Variants in ITCH observed in about 807,000 individuals in gnomAD.
The protein encoded by ITCH is E3 ubiquitin-protein ligase Itchy homolog.
A neutral mutation model predicts 126.8 loss-of-function variants in ITCH; 28 were observed. The ratio of observed to expected loss-of-function variants is 0.22; its 90% CI spans 0.16 to 0.30. The LOEUF (loss-of-function observed/expected upper bound fraction) is 0.30. Ranked by LOEUF, ITCH falls within the 10% of genes least tolerant of loss-of-function variation. ITCH has a pLI of 1.00. For synonymous variants in ITCH, 342 were observed against 340.0 expected, an observed-to-expected ratio of 1.01 and a Z score of -0.06; for missense variants, 631 against 1,032.4, an observed-to-expected ratio of 0.61 and a Z score of 5.33.
chr20:34,427,148 G>C (rs934562711), intron 7 of ITCH, among the ~76,000 whole-genome samples: 3 of 152,168 alleles, frequency 2.0e-5, no homozygotes, highest in African/African-American at 7.2e-5. Flanking sequence ...AGTTTATAAA[G>C]CTGTTGTGTC....
At chr20:34,364,593 T>C (rs1210669408) in intron 1 of ITCH, among the ~76,000 whole-genome samples, 1 of 151,756 alleles carries the variant, frequency 6.6e-6, no homozygotes, top group Non-Finnish European at 1.5e-5. Context: ...AATTAAGAAA[T>C]GGGCCGGGTG....
At chr20:34,445,193 TAAATC>T in intron 10 of ITCH, 89 bp from the exon 11 acceptor site, 7 of 1,339,228 alleles carry the variant, frequency 5.2e-6, no homozygotes, top group Admixed American at 2.0e-5. Flanking sequence ...AGACTCCAGA[TAAATC>T]AAAAGTAGTT....
At chr20:34,481,028 G>A in intron 19 of ITCH, 38 bp from the exon 20 acceptor site, 1 of 1,601,798 alleles carries the variant, frequency 6.2e-7, no homozygotes, top group South Asian at 1.1e-5. Flanking sequence ...TGATTGAATT[G>A]GTGGATATAA....
intron 19 of ITCH, 81 bp downstream of exon 19, chr20:34,480,813 G>A (rs2146471188): frequency 8.6e-7 from 1 of 1,163,838 alleles, no homozygotes; most frequent in East Asian, 2.5e-5. Flanking sequence ...CCAAACTGTA[G>A]GCACATAATT....
At chr20:34,366,612 ATC>A (rs2037431139) in intron 1 of ITCH, among the ~76,000 whole-genome samples, 1 of 152,068 alleles carries the variant, frequency 6.6e-6, no homozygotes, top group South Asian at 2.1e-4. Context: ...CACACCTGTA[ATC>A]TCAACAGTTT....
chr20:34,405,141 CAAAAAAAAAAAAA>C (rs1170286039), intron 3 of ITCH, among the ~76,000 whole-genome samples: 1 of 58,236 alleles, frequency 1.7e-5, no homozygotes, highest in South Asian at 8.3e-4. Flanking sequence ...GACCCTGTCT[CAAAAAAAAAAAAA>C]AAAAAAAAAA....
intron 2 of ITCH, among the ~76,000 whole-genome samples, chr20:34,383,017 C>A (rs1312157703): frequency 2.0e-5 from 3 of 151,980 alleles, no homozygotes; most frequent in Non-Finnish European, 2.9e-5. Flanking sequence ...GCTGATATTA[C>A]AGCCATGAGC....
chr20:34,377,350 G>A (rs935052004), intron 2 of ITCH, among the ~76,000 whole-genome samples: 2 of 152,150 alleles, frequency 1.3e-5, no homozygotes, highest in African/African-American at 4.8e-5. Flanking sequence ...CTCCAGCCTG[G>A]GCGACAGAGC....
chr20:34,400,285 G>T (rs563008200), intron 3 of ITCH, among the ~76,000 whole-genome samples: 28 of 152,210 alleles, frequency 1.8e-4, no homozygotes, highest in African/African-American at 6.5e-4. Flanking sequence ...GCCCAGGATG[G>T]TCTTGAACTC....
intron 9 of ITCH, among the ~76,000 whole-genome samples, chr20:34,441,233 C>T (rs1479942730): frequency 1.3e-5 from 2 of 152,040 alleles, no homozygotes; most frequent in African/African-American, 2.4e-5. Context: ...GATCTTGCCA[C>T]TGCACTCCAG....
intron 3 of ITCH, among the ~76,000 whole-genome samples, chr20:34,402,864 G>A (rs185333072): frequency 6.6e-6 from 1 of 152,106 alleles, no homozygotes; most frequent in Non-Finnish European, 1.5e-5. Flanking sequence ...TTATATTCTC[G>A]TCTTTACTCC....
chr20:34,368,617 A>G (rs937122916), intron 1 of ITCH, among the ~76,000 whole-genome samples: 3 of 152,108 alleles, frequency 2.0e-5, no homozygotes, highest in Non-Finnish European at 2.9e-5. Context: ...TAAGTTGGAA[A>G]CTATCCTCAC....
In ITCH at chr20:34,395,817, T is replaced by C. The variant is rs777898545; in HGVS notation, c.70+1936T>C. Among the ~76,000 whole-genome samples the C allele has an allele frequency of 2.0e-5, 3 of 152,250 alleles. No homozygotes were observed. In the South Asian group the frequency reaches 6.2e-4, roughly 32 times the overall value. ...GCTAAATAATATTTTATTGTATGAG[T>C]ATACGAAATTTTAAAAATCCATTCT... is the stretch of plus-strand genomic sequence containing the variant. On this transcript the variant is annotated intron_variant, in intron 3 of 24. Coordinates refer to ENST00000374864, the MANE Select transcript of ITCH (RefSeq NM_031483.7).
Position 34,505,032 on chromosome 20 carries a change from T to TTTTG in ITCH, c.2489+653_2489+656dup, listed in dbSNP as rs567126398. Among the ~76,000 whole-genome samples, 1,090 of 152,140 alleles carry TTTTG rather than the reference T, an allele frequency of 7.2e-3. 9 individuals are homozygous for TTTTG. Among genetic ancestry groups the TTTTG allele is most frequent in the African/African-American group, 0.015 (638 of 41,506 alleles). ...TATGCAGTTCGGTTCAGTGGGGTTT[T>TTTTG]TTTGTTTGTTTGTTTGTTTGTTTGT... On this transcript the variant is annotated intron_variant, in intron 24 of 24. Coordinates refer to ENST00000374864, the MANE Select transcript of ITCH (RefSeq NM_031483.7).
intron 10 of ITCH, among the ~76,000 whole-genome samples, chr20:34,443,662 C>T (rs1056167134): frequency 2.5e-4 from 38 of 152,066 alleles, no homozygotes; most frequent in African/African-American, 8.9e-4. Context: ...CAGATAATAT[C>T]AAGTGTTGGT....
At position 34,495,736 on chromosome 20, in the gene ITCH, G is replaced by A. The variant is rs74272079; in HGVS notation, c.2416+3139G>A. On this transcript the variant is annotated intron_variant, in intron 23 of 24. Transcript: ENST00000374864. ...TATCTTGGCCCTTGTGAATGGTGCTGCAGTAGACATGGGAGTGCAGATGTC... is the reference window on the plus strand; with the variant it reads ...TATCTTGGCCCTTGTGAATGGTGCTACAGTAGACATGGGAGTGCAGATGTC... Among the ~76,000 whole-genome samples the A allele has an allele frequency of 2.6e-3, 401 of 152,040 alleles. 22 individuals are homozygous for A. In the East Asian group the frequency reaches 0.074, roughly 28 times the overall value.
intron 7 of ITCH, among the ~76,000 whole-genome samples, chr20:34,430,689 G>A (rs1432294633): frequency 1.3e-5 from 2 of 152,156 alleles, no homozygotes; most frequent in African/African-American, 4.8e-5. Flanking sequence ...GGCCAGGCTT[G>A]TGTCGAACTC....
chr20:34,496,209 G>C (rs1193011104), intron 23 of ITCH, among the ~76,000 whole-genome samples: 1 of 152,008 alleles, frequency 6.6e-6, no homozygotes, highest in Non-Finnish European at 1.5e-5. Context: ...AGTTCATTGT[G>C]GTTTTGATTT....
At chr20:34,417,255 C>A in intron 6 of ITCH, 2 of 570,046 alleles carry the variant, frequency 3.5e-6, no homozygotes, top group Non-Finnish European at 6.3e-6. Context: ...CACCACCACG[C>A]CTGGCTAATT....
Sources: allele counts gnomAD v4.1 joint callset (sites outside exome capture counted in the v4.1 genomes callset), GRCh38; gene constraint gnomAD v4.1.1; transcripts MANE v1.5; gene names NCBI Gene and HGNC (gene_info 2026-07-23, HGNC 2026-07-21).